Variants in PDE4D observed in about 807,000 individuals in gnomAD.
PDE4D encodes the protein 3',5'-cyclic-AMP phosphodiesterase 4D.
PDE4D carries 24 observed loss-of-function variants against 87.4 expected under a neutral mutation model. That is an observed-to-expected ratio of 0.27 (90% CI 0.20 to 0.39). The LOEUF (loss-of-function observed/expected upper bound fraction) is 0.39, where lower values mean the gene tolerates loss of function less well. Among genes scored for constraint, PDE4D ranks in the 10% least tolerant of loss-of-function variants. The pLI is 1.00. For missense variants in PDE4D, 714 were observed against 1,041.0 expected (o/e 0.69, Z 4.32); for synonymous variants, 384 against 383.2 (o/e 1.00, Z -0.02).
At chr5:59,970,888 C>G (rs2152817586) in intron 3 of PDE4D, among the ~76,000 whole-genome samples, 1 of 148,278 alleles carries the variant, frequency 6.7e-6, no homozygotes, top group South Asian at 2.2e-4. Flanking sequence ...AATCATGCTG[C>G]TATAAAGACA....
chr5:59,718,375 C>T (rs1011741335), intron 1 of PDE4D, among the ~76,000 whole-genome samples: 2 of 152,126 alleles, frequency 1.3e-5, no homozygotes, highest in Non-Finnish European at 2.9e-5. Flanking sequence ...CACAAGGAAC[C>T]TCTAGTAAGC....
chr5:59,126,380 T>C (rs1775407594), intron 5 of PDE4D, among the ~76,000 whole-genome samples: 1 of 152,232 alleles, frequency 6.6e-6, no homozygotes, highest in African/African-American at 2.4e-5. Context: ...GAGTATATAG[T>C]AAATGTGCTT....
chr5:59,545,311 T>A (rs1817080759), intron 1 of PDE4D, among the ~76,000 whole-genome samples: 1 of 152,044 alleles, frequency 6.6e-6, no homozygotes. Flanking sequence ...AGTGCTGGGT[T>A]TTCAATGCAG....
chr5:60,474,943 T>C lies in PDE4D; in HGVS notation c.-90+12999A>G, dbSNP rs566011872. ...AGCTGCTCTAGCTGCAGGTTAGAGC[T>C]TCTCCAGGACTCTAAATGCTTGAAT... On this transcript the variant is annotated intron_variant, in intron 1 of 16. Coordinates refer to the PDE4D transcript ENST00000502484. 2.0e-5 allele frequency among the ~76,000 whole-genome samples: 3 copies of C among 152,354 alleles called. No individual in the cohort carries two copies. The East Asian group carries it at 5.8e-4, about 29-fold the overall frequency.
intron 1 of PDE4D, among the ~76,000 whole-genome samples, chr5:60,371,566 C>A (rs1022857567): frequency 6.6e-6 from 1 of 152,092 alleles, no homozygotes; most frequent in Non-Finnish European, 1.5e-5. Flanking sequence ...ACAGAAAGTA[C>A]ACAAATCATA....
At chr5:59,776,986 C>G (rs1343201154) in intron 1 of PDE4D, among the ~76,000 whole-genome samples, 1 of 152,094 alleles carries the variant, frequency 6.6e-6, no homozygotes, top group Non-Finnish European at 1.5e-5. Context: ...TGAATGTAGA[C>G]TCGCCTGGCT....
At chr5:60,026,463 A>C (rs1203322801) in intron 2 of PDE4D, among the ~76,000 whole-genome samples, 1 of 152,216 alleles carries the variant, frequency 6.6e-6, no homozygotes, top group Non-Finnish European at 1.5e-5. Context: ...GCTCACATGT[A>C]CTTAATTAAT....
At chr5:59,870,162 C>A (rs1486971343) in intron 1 of PDE4D, among the ~76,000 whole-genome samples, 1 of 152,180 alleles carries the variant, frequency 6.6e-6, no homozygotes, top group Non-Finnish European at 1.5e-5. Flanking sequence ...AACATTTCTT[C>A]TTTTGCATTA....
chr5:60,254,186 G>A (rs975106134), intron 1 of PDE4D, among the ~76,000 whole-genome samples: 1 of 151,864 alleles, frequency 6.6e-6, no homozygotes, highest in Non-Finnish European at 1.5e-5. Flanking sequence ...CTTTGTTCTT[G>A]GGCTGTAGTC....
At chr5:59,957,838 CTAAGTT>C (rs1240962558) in intron 3 of PDE4D, among the ~76,000 whole-genome samples, 1 of 151,896 alleles carries the variant, frequency 6.6e-6, no homozygotes, top group African/African-American at 2.4e-5. Flanking sequence ...ATTTGTCATT[CTAAGTT>C]TATTGTCTAA....
intron 1 of PDE4D, among the ~76,000 whole-genome samples, chr5:60,344,345 T>TA (rs1758560137): frequency 6.6e-6 from 1 of 152,066 alleles, no homozygotes; most frequent in Non-Finnish European, 1.5e-5. Context: ...GAGCTCTCTA[T>TA]TCGTTAGTTT....
intron 11 of PDE4D, among the ~76,000 whole-genome samples, chr5:58,979,721 C>G (rs1273839836): frequency 6.6e-6 from 1 of 152,166 alleles, no homozygotes; most frequent in Non-Finnish European, 1.5e-5. Context: ...TCCATCAAGT[C>G]TTTCTTAATT....
At chr5:59,768,194 G>A in intron 1 of PDE4D, 1 of 1,584,062 alleles carries the variant, frequency 6.3e-7, no homozygotes, top group Admixed American at 1.7e-5. Flanking sequence ...GCGAGAGCAG[G>A]ACTCCCTGAA....
chr5:59,298,912 A>G (rs1403605311), intron 1 of PDE4D, among the ~76,000 whole-genome samples: 8 of 152,364 alleles, frequency 5.3e-5, no homozygotes, highest in Middle Eastern at 3.4e-3. Context: ...CTTTGATGTT[A>G]CATATTCAGA....
intron 1 of PDE4D, among the ~76,000 whole-genome samples, chr5:60,204,673 A>C (rs1742301114): frequency 2.0e-5 from 3 of 149,298 alleles, no homozygotes; most frequent in Non-Finnish European, 4.5e-5. Context: ...TCTAGCTCAA[A>C]GCTTTTGCCC....
At chr5:59,331,977 C>G (rs1014827053) in intron 1 of PDE4D, among the ~76,000 whole-genome samples, 1 of 152,128 alleles carries the variant, frequency 6.6e-6, no homozygotes, top group Non-Finnish European at 1.5e-5. Context: ...GCCCATTTAC[C>G]TGGCTCTCCT....
rs1763671747 is a variant in PDE4D at position 59,270,819 on chromosome 5, C to T, written c.456-54851G>A. Reference sequence around the variant, plus strand: ...AAGGCAACAAGCTGAAGAACCAGAGCACGTTCTTTGAGGTAGACAGACTTG... The same window carrying T: ...AAGGCAACAAGCTGAAGAACCAGAGTACGTTCTTTGAGGTAGACAGACTTG... On this transcript the variant is annotated intron_variant, in intron 1 of 14. Transcript: ENST00000340635. Among the ~76,000 whole-genome samples, 4 of 152,266 alleles carry T rather than the reference C, an allele frequency of 2.6e-5. No individual in the cohort carries two copies. The South Asian group carries it at 8.3e-4, about 32-fold the overall frequency.
At chr5:59,440,725 G>A (rs1013852795) in intron 1 of PDE4D, among the ~76,000 whole-genome samples, 2 of 152,012 alleles carry the variant, frequency 1.3e-5, no homozygotes, top group African/African-American at 2.4e-5. Context: ...GTGGTGAGCC[G>A]AGGTTGCACC....
At chr5:60,278,218 TA>T (rs57254149) in intron 1 of PDE4D, among the ~76,000 whole-genome samples, 1,773 of 149,508 alleles carry the variant, frequency 0.012, 21 homozygotes, top group African/African-American at 0.043. Flanking sequence ...TTTCAGCACA[TA>T]AAAAAAAATG....
Sources: allele counts gnomAD v4.1 joint callset (sites outside exome capture counted in the v4.1 genomes callset), GRCh38; gene constraint gnomAD v4.1.1; transcripts MANE v1.5; gene names NCBI Gene and HGNC (gene_info 2026-07-23, HGNC 2026-07-21).